The following NOX4 variants were observed in gnomAD, a reference collection of about 807,000 sequenced individuals.
NOX4 encodes kidney oxidase-1.
NOX4 carries 69 observed loss-of-function variants against 87.6 expected under a neutral mutation model. The observed-to-expected ratio is 0.79, with a 90% confidence interval of 0.65 to 0.96. The LOEUF is 0.96. NOX4 is among the 40% of genes least tolerant of loss of function. The probability of loss-of-function intolerance (pLI) is 0.00; values close to 1 mark genes in which losing one functional copy is unlikely to be tolerated. For synonymous variants in NOX4, 275 were observed against 238.2 expected, an observed-to-expected ratio of 1.15 and a Z score of -1.42; for missense variants, 680 against 681.5, an observed-to-expected ratio of 1.00 and a Z score of 0.02.
At chr11:89,482,216 C>T (rs1309009359) in intron 2 of NOX4, among the ~76,000 whole-genome samples, 2 of 151,960 alleles carry the variant, frequency 1.3e-5, no homozygotes, top group Admixed American at 6.6e-5. Flanking sequence ...ACCCTTTTGC[C>T]ATGTCATTCT....
chr11:89,516,481 C>T, the NOX4 span, among the ~76,000 whole-genome samples: 3 of 151,792 alleles, frequency 2.0e-5, no homozygotes, highest in Non-Finnish European at 4.4e-5. Context: ...CAATCTCAGG[C>T]TTTTTTTTAA....
intron 9 of NOX4, among the ~76,000 whole-genome samples, chr11:89,401,662 G>T (rs771206342): frequency 1.3e-5 from 2 of 152,028 alleles, no homozygotes; most frequent in African/African-American, 4.8e-5. Context: ...ACTTATGGAC[G>T]TTTACCAGGA....
intron 9 of NOX4, among the ~76,000 whole-genome samples, chr11:89,401,202 C>T (rs1232272100): frequency 6.6e-6 from 1 of 152,072 alleles, no homozygotes; most frequent in Non-Finnish European, 1.5e-5. Context: ...GACCATGCCT[C>T]TTCTGCATAT....
At chr11:89,442,712 A>T (rs1944510142) in intron 5 of NOX4, among the ~76,000 whole-genome samples, 1 of 152,206 alleles carries the variant, frequency 6.6e-6, no homozygotes, top group Non-Finnish European at 1.5e-5. Context: ...GAGTTTTAAA[A>T]TATTTTATAT....
At chr11:89,425,136 C>A (rs1233097939) in intron 7 of NOX4, among the ~76,000 whole-genome samples, 1 of 151,886 alleles carries the variant, frequency 6.6e-6, no homozygotes, top group Non-Finnish European at 1.5e-5. Flanking sequence ...TCTAATTTTC[C>A]TTCAAGAATT....
intron 4 of NOX4, among the ~76,000 whole-genome samples, chr11:89,446,239 G>T (rs1355641587): frequency 6.6e-6 from 1 of 152,116 alleles, no homozygotes; most frequent in African/African-American, 2.4e-5. Flanking sequence ...CACAGCAACA[G>T]AAACTGTCAT....
intron 13 of NOX4, among the ~76,000 whole-genome samples, chr11:89,343,724 A>G (rs1231357119): frequency 2.0e-5 from 3 of 152,158 alleles, no homozygotes; most frequent in Non-Finnish European, 4.4e-5. Flanking sequence ...ATCATAATAT[A>G]TGTAACCAGA....
chr11:89,355,678 T>C (rs1183593051), intron 12 of NOX4, among the ~76,000 whole-genome samples: 1 of 152,146 alleles, frequency 6.6e-6, no homozygotes, highest in East Asian at 1.9e-4. Flanking sequence ...AGGATGTTGA[T>C]CAACCTAAGC....
the NOX4 span, among the ~76,000 whole-genome samples, chr11:89,537,901 G>A: frequency 3.4e-4 from 52 of 152,180 alleles, no homozygotes; most frequent in Non-Finnish European, 7.2e-4. Flanking sequence ...TCTCTACTCC[G>A]TCTTCCTTTT....
At chr11:89,485,056 C>T (rs1946537825) in intron 2 of NOX4, among the ~76,000 whole-genome samples, 1 of 152,094 alleles carries the variant, frequency 6.6e-6, no homozygotes, top group African/African-American at 2.4e-5. Flanking sequence ...ACTCCAGTCT[C>T]TGACCTTAAG....
chr11:89,529,277 A>AT, the NOX4 span, among the ~76,000 whole-genome samples: 2 of 152,158 alleles, frequency 1.3e-5, no homozygotes, highest in African/African-American at 4.8e-5. Context: ...ATTTGTGTTT[A>AT]TTTTTAATAT....
At chr11:89,385,873 T>C (rs912046199) in intron 11 of NOX4, among the ~76,000 whole-genome samples, 3 of 152,146 alleles carry the variant, frequency 2.0e-5, no homozygotes, top group Non-Finnish European at 2.9e-5. Flanking sequence ...GGTCATTTCT[T>C]CCCTTCCGTC....
chr11:89,421,198 G>T (rs925466228), intron 8 of NOX4, among the ~76,000 whole-genome samples: 12 of 152,162 alleles, frequency 7.9e-5, no homozygotes, highest in African/African-American at 2.7e-4. Context: ...ATGTCATGCA[G>T]GTGTGAATGT....
At chr11:89,353,004 G>A (rs317196) in intron 13 of NOX4, among the ~76,000 whole-genome samples, 2,382 of 152,228 alleles carry the variant, frequency 0.016, 64 homozygotes, top group African/African-American at 0.054. Context: ...ATTTTTAGTA[G>A]AGATGGGTTT....
chr11:89,386,657 C>A (rs924161564), intron 11 of NOX4, among the ~76,000 whole-genome samples: 1 of 151,974 alleles, frequency 6.6e-6, no homozygotes, highest in African/African-American at 2.4e-5. Context: ...TCGTGGAGGC[C>A]TCGACTTACT....
chr11:89,585,937 C>T, the NOX4 span, among the ~76,000 whole-genome samples: 3 of 152,120 alleles, frequency 2.0e-5, no homozygotes, highest in Non-Finnish European at 4.4e-5. Flanking sequence ...TAAACATTTC[C>T]AAATTCAACA....
chr11:89,335,691 GC>G (rs2135373418), intron 17 of NOX4, among the ~76,000 whole-genome samples, 153 bp downstream of exon 17: 1 of 151,904 alleles, frequency 6.6e-6, no homozygotes, highest in African/African-American at 2.4e-5. Flanking sequence ...GACGATACCT[GC>G]CTTACTTCTT....
chr11:89,370,512 A>C lies in NOX4; in HGVS notation c.1135+2920T>G, dbSNP rs192007487. On this transcript the variant is annotated intron_variant, in intron 12 of 17. Transcript: ENST00000263317. Reference sequence around the variant, plus strand: ...ATCATATGTAACGAAGAAATTAACAAAACATTTTTGTACACTTAAAATGAT... The same window carrying C: ...ATCATATGTAACGAAGAAATTAACACAACATTTTTGTACACTTAAAATGAT... Among the ~76,000 whole-genome samples the C allele has an allele frequency of 6.5e-3, 993 of 152,054 alleles. 9 individuals are homozygous for C. The highest frequency in any genetic ancestry group is 0.023 in the African/African-American group (961 of 41,550).
chr11:89,474,204 C>A (rs1256642065), intron 2 of NOX4, among the ~76,000 whole-genome samples: 1 of 152,012 alleles, frequency 6.6e-6, no homozygotes, highest in South Asian at 2.1e-4. Flanking sequence ...GTCCTCTTTT[C>A]TCCAATTGAC....
Sources: gnomAD v4.1 joint callset for allele counts (sites outside exome capture counted in the v4.1 genomes callset) on GRCh38, gnomAD v4.1.1 for gene constraint, MANE v1.5 for transcripts, NCBI Gene and HGNC (gene_info 2026-07-23, HGNC 2026-07-21) for gene names.